ARB2A: variants seen among roughly 807,000 people sequenced by gnomAD.
The protein encoded by ARB2A is ARB2 cotranscriptional regulator A, also known as cotranscriptional regulator ARB2A.
the ARB2A span, among the ~76,000 whole-genome samples, chr5:93,962,440 A>C: frequency 6.6e-6 from 1 of 152,192 alleles, no homozygotes; most frequent in African/African-American, 2.4e-5. Context: ...CATAATGTTT[A>C]CTATCAAATC....
At chr5:93,978,545 T>G in the ARB2A span, among the ~76,000 whole-genome samples, 2 of 152,068 alleles carry the variant, frequency 1.3e-5, no homozygotes, top group African/African-American at 4.8e-5. Context: ...TTCTCACTTA[T>G]AAGTGAGAGC....
the ARB2A span, among the ~76,000 whole-genome samples, chr5:94,062,349 T>C: frequency 1.3e-5 from 2 of 152,086 alleles, no homozygotes; most frequent in Non-Finnish European, 2.9e-5. Flanking sequence ...AAAATGCAAG[T>C]AAATAATCAC....
the ARB2A span, among the ~76,000 whole-genome samples, chr5:93,827,379 C>G: frequency 6.6e-6 from 1 of 152,122 alleles, no homozygotes; most frequent in Non-Finnish European, 1.5e-5. Context: ...TGTCTTTTGG[C>G]TGCATAAATG....
the ARB2A span, among the ~76,000 whole-genome samples, chr5:93,995,745 C>T: frequency 8.4e-4 from 128 of 152,252 alleles, no homozygotes; most frequent in Non-Finnish European, 1.5e-3. Flanking sequence ...TTGTGCCTAT[C>T]GTTAACAATA....
chr5:94,040,129 T>C, the ARB2A span, among the ~76,000 whole-genome samples: 167 of 152,282 alleles, frequency 1.1e-3, no homozygotes, highest in African/African-American at 3.9e-3. Flanking sequence ...CCCCTCTTGG[T>C]AAAGTCCCTT....
At chr5:93,778,900 C>T in the ARB2A span, among the ~76,000 whole-genome samples, 41 of 152,256 alleles carry the variant, frequency 2.7e-4, no homozygotes, top group Admixed American at 1.2e-3. Context: ...ACACTTAAAG[C>T]AAAATATAAG....
the ARB2A span, among the ~76,000 whole-genome samples, chr5:94,102,764 A>G: frequency 3.3e-5 from 5 of 152,116 alleles, no homozygotes; most frequent in Non-Finnish European, 7.4e-5. Flanking sequence ...AAGGGAGCTA[A>G]AAAGAAGGGA....
the ARB2A span, among the ~76,000 whole-genome samples, chr5:93,801,048 C>T: frequency 6.6e-6 from 1 of 152,062 alleles, no homozygotes. Context: ...CATTCTTAAT[C>T]CTTTGCTTAT....
At chr5:93,903,682 A>C in the ARB2A span, among the ~76,000 whole-genome samples, 3 of 151,104 alleles carry the variant, frequency 2.0e-5, no homozygotes, top group Non-Finnish European at 4.4e-5. Context: ...ATCAACCATC[A>C]ACTGTTAAAT....
At chr5:93,630,679 T>G in the ARB2A span, among the ~76,000 whole-genome samples, 1 of 152,014 alleles carries the variant, frequency 6.6e-6, no homozygotes, top group Non-Finnish European at 1.5e-5. Context: ...GCGGGGCCTT[T>G]TATCTCAGCA....
At chr5:94,029,174 T>C in the ARB2A span, among the ~76,000 whole-genome samples, 1 of 152,184 alleles carries the variant, frequency 6.6e-6, no homozygotes, top group Non-Finnish European at 1.5e-5. Flanking sequence ...GTATTTTTAG[T>C]AGGGATGGGG....
the ARB2A span, among the ~76,000 whole-genome samples, chr5:93,838,324 T>C: frequency 6.6e-6 from 1 of 152,190 alleles, no homozygotes; most frequent in South Asian, 2.1e-4. Flanking sequence ...TGTGGCATTA[T>C]TTCTGGGCTC....
chr5:93,865,413 A>G, the ARB2A span: 3 of 985,280 alleles, frequency 3.0e-6, no homozygotes, highest in South Asian at 4.7e-5. Flanking sequence ...TAGAAATTAC[A>G]TGCTTTATTC....
the ARB2A span, among the ~76,000 whole-genome samples, chr5:93,851,900 G>A: frequency 1.3e-5 from 2 of 152,126 alleles, no homozygotes; most frequent in African/African-American, 4.8e-5. Flanking sequence ...TGTGAATAGT[G>A]CCGCAATAAA....
the ARB2A span, among the ~76,000 whole-genome samples, chr5:93,978,838 T>C: frequency 5.3e-5 from 8 of 152,152 alleles, no homozygotes; most frequent in East Asian, 1.5e-3. Context: ...AGATTATAGA[T>C]ACCAGTGGCT....
At chr5:93,699,418 A>C in the ARB2A span, among the ~76,000 whole-genome samples, 1 of 152,144 alleles carries the variant, frequency 6.6e-6, no homozygotes, top group Non-Finnish European at 1.5e-5. Context: ...TTAAAATCCA[A>C]TCATCTTATT....
chr5:93,813,431 G>T, the ARB2A span, among the ~76,000 whole-genome samples: 2 of 152,096 alleles, frequency 1.3e-5, no homozygotes, highest in Non-Finnish European at 2.9e-5. Flanking sequence ...AAATGAGCAA[G>T]AAATTATTAA....
chr5:93,986,038 C>T, the ARB2A span, among the ~76,000 whole-genome samples: 13 of 149,890 alleles, frequency 8.7e-5, no homozygotes, highest in African/African-American at 1.7e-4. Flanking sequence ...CCTGGCCACC[C>T]GTCTGGGATG....
At chr5:93,738,589 T>A in the ARB2A span, 3 of 152,176 alleles carry the variant, frequency 2.0e-5, no homozygotes, top group Admixed American at 2.0e-4. Flanking sequence ...ATAAACAAAA[T>A]GTGGTATATA....
Sources: allele counts gnomAD v4.1 joint callset (sites outside exome capture counted in the v4.1 genomes callset), GRCh38; gene constraint gnomAD v4.1.1; transcripts MANE v1.5; gene names NCBI Gene and HGNC (gene_info 2026-07-23, HGNC 2026-07-21).